DPP10: variants seen among roughly 807,000 people sequenced by gnomAD.
DPP10 encodes inactive dipeptidyl peptidase 10.
Under a neutral mutation model 120.9 loss-of-function variants are expected in DPP10, and 33 were observed. That is an observed-to-expected ratio of 0.27 (90% CI 0.21 to 0.37). The LOEUF (loss-of-function observed/expected upper bound fraction) is 0.37, where lower values mean the gene tolerates loss of function less well. DPP10 is among the 10% of genes least tolerant of loss of function. DPP10 has a pLI of 1.00. For missense variants in DPP10, 816 were observed against 942.8 expected, an observed-to-expected ratio of 0.87 and a Z score of 1.76; for synonymous variants, 337 against 326.1, an observed-to-expected ratio of 1.03 and a Z score of -0.36.
At chr2:115,712,415 T>C (rs2092348078) in intron 7 of DPP10, among the ~76,000 whole-genome samples, 2 of 150,702 alleles carry the variant, frequency 1.3e-5, no homozygotes, top group African/African-American at 2.4e-5. Flanking sequence ...GAAGCCCAGT[T>C]CTTAACAGGC....
chr2:114,874,530 G>T (rs1411011320), intron 1 of DPP10, among the ~76,000 whole-genome samples: 5 of 151,976 alleles, frequency 3.3e-5, no homozygotes, highest in Admixed American at 6.6e-5. Context: ...ATCACCCACA[G>T]ATGGGACCAT....
At chr2:114,954,139 G>C (rs1396072142) in intron 1 of DPP10, among the ~76,000 whole-genome samples, 1 of 144,470 alleles carries the variant, frequency 6.9e-6, no homozygotes, top group African/African-American at 2.6e-5. Context: ...GGAGGGCAGT[G>C]GTGCTATCTC....
At chr2:115,414,536 TAC>T (rs1467464857) in intron 3 of DPP10, among the ~76,000 whole-genome samples, 2 of 152,214 alleles carry the variant, frequency 1.3e-5, no homozygotes. Flanking sequence ...CTTTTATTTC[TAC>T]AGTGTATATT....
intron 5 of DPP10, among the ~76,000 whole-genome samples, chr2:115,601,659 A>G (rs2083327203): frequency 6.6e-6 from 1 of 152,106 alleles, no homozygotes; most frequent in African/African-American, 2.4e-5. Flanking sequence ...AACTAGTTGA[A>G]TAACAATAAT....
At chr2:115,518,489 G>A (rs1399935694) in intron 4 of DPP10, among the ~76,000 whole-genome samples, 2 of 151,892 alleles carry the variant, frequency 1.3e-5, no homozygotes, top group African/African-American at 4.8e-5. Flanking sequence ...AGAAAATTCA[G>A]CCATGGTAAA....
At chr2:115,377,454 C>G (rs1005107241) in intron 3 of DPP10, among the ~76,000 whole-genome samples, 6 of 151,920 alleles carry the variant, frequency 3.9e-5, no homozygotes, top group African/African-American at 1.5e-4. Flanking sequence ...GGATATTAAC[C>G]CTTTGTCAGA....
chr2:115,109,168 T>G (rs10201854), intron 1 of DPP10, among the ~76,000 whole-genome samples: 108,287 of 151,990 alleles, frequency 0.71, 38,998 homozygotes, highest in East Asian at 0.98. Context: ...CTTGTAGTAA[T>G]ACTTTTCTGG....
chr2:115,548,979 T>C (rs961795538), intron 5 of DPP10, among the ~76,000 whole-genome samples: 1 of 152,244 alleles, frequency 6.6e-6, no homozygotes, highest in Admixed American at 6.5e-5. Flanking sequence ...CGGTTATCTT[T>C]GTAGCACCAT....
chr2:115,562,864 C>G (rs929656460), intron 5 of DPP10, among the ~76,000 whole-genome samples: 3 of 152,162 alleles, frequency 2.0e-5, no homozygotes, highest in African/African-American at 7.2e-5. Context: ...AGTTCCATAG[C>G]TATTGATTTC....
chr2:115,784,759 C>T (rs1400172361), intron 17 of DPP10, among the ~76,000 whole-genome samples: 3 of 152,094 alleles, frequency 2.0e-5, no homozygotes, highest in African/African-American at 7.2e-5. Context: ...CTCGAACTCA[C>T]AACCTCAGGT....
At chr2:114,475,791 A>T (rs1680323961) in intron 1 of DPP10, among the ~76,000 whole-genome samples, 1 of 152,338 alleles carries the variant, frequency 6.6e-6, no homozygotes, top group East Asian at 1.9e-4. Context: ...TAAAATAACA[A>T]AGTAGACAAG....
intron 1 of DPP10, among the ~76,000 whole-genome samples, chr2:114,455,726 T>TTTA (rs756348171): frequency 0.06 from 3,525 of 59,050 alleles, 52 homozygotes; most frequent in Middle Eastern, 0.097. Flanking sequence ...CACAAATTCA[T>TTTA]TTGTTTTTTT....
chr2:114,455,203 T>G (rs1328542993), intron 1 of DPP10, among the ~76,000 whole-genome samples: 2 of 150,252 alleles, frequency 1.3e-5, no homozygotes, highest in African/African-American at 5.0e-5. Flanking sequence ...GGTGGTGGCA[T>G]ATGTATTTAA....
At chr2:115,266,645 G>T (rs1023547889) in intron 1 of DPP10, among the ~76,000 whole-genome samples, 5 of 152,092 alleles carry the variant, frequency 3.3e-5, no homozygotes, top group Non-Finnish European at 7.4e-5. Flanking sequence ...GTCCAGAATG[G>T]TTACTGTCCA....
chr2:114,956,417 C>T (rs988439401), intron 1 of DPP10, among the ~76,000 whole-genome samples: 1 of 150,206 alleles, frequency 6.7e-6, no homozygotes, highest in Non-Finnish European at 1.5e-5. Context: ...TGTATTGAAA[C>T]TTTTAAAACA....
rs576462170 is a variant in DPP10, at chr2:115,080,558, A to T, written c.61-228681A>T. The stretch of plus-strand genomic sequence containing the variant: ...CATTAAAACCAAAGCTTATTCTTCT[A>T]TGAATTGTCTGTGGCTGATTTTGTA... On this transcript the variant is annotated intron_variant, in intron 1 of 25. Transcript: ENST00000410059. Among the ~76,000 whole-genome samples, 4 of 152,294 alleles carry T rather than the reference A, an allele frequency of 2.6e-5. No homozygotes were observed. In the East Asian group the frequency reaches 7.7e-4, roughly 29 times the overall value.
chr2:114,670,829 A>G (rs1220658300), intron 1 of DPP10, among the ~76,000 whole-genome samples: 1 of 152,198 alleles, frequency 6.6e-6, no homozygotes, highest in African/African-American at 2.4e-5. Context: ...GTTGTAAGCC[A>G]TCCATCATCT....
At chr2:115,107,716 GATA>G (rs2049021110) in intron 1 of DPP10, among the ~76,000 whole-genome samples, 1 of 152,036 alleles carries the variant, frequency 6.6e-6, no homozygotes, top group Non-Finnish European at 1.5e-5. Context: ...TTTTGAGAAA[GATA>G]ATGACTAAGG....
Position 115,753,246 on chromosome 2 carries a change from G to C in DPP10, c.1023G>C (p.Gln341His). 1.2e-6 allele frequency: 2 copies of C among 1,612,084 alleles called. No individual in the cohort carries two copies. Among genetic ancestry groups the C allele is most frequent in the Non-Finnish European group, 1.7e-6 (2 of 1,178,680 alleles). ...TGGTAAGATGGTTAAACCGAGCTCA[G>C]AACATCTCCATCCTCACAGTCTGTG... is the stretch of plus-strand genomic sequence containing the variant. ...KTVVRWLNRA[Q>H]NISILTVCET... Residue 341 changes from glutamine (Q) to histidine (H), a missense_variant, in exon 11 of 26, where the codon CAG becomes CAC. Physicochemically the swap from Gln to His is conservative, Grantham distance 24. Around this residue, in one of 3 missense-constraint regions of DPP10, gnomAD observed 592 missense variants for 649.0 expected, o/e 0.91. Coordinates refer to ENST00000410059, the MANE Select transcript of DPP10 (RefSeq NM_020868.6).
Sources: gnomAD v4.1 joint callset for allele counts (sites outside exome capture counted in the v4.1 genomes callset) on GRCh38, gnomAD v4.1.1 for gene constraint, gnomAD v4.1.1 regional missense constraint, MANE v1.5 for transcripts, NCBI Gene and HGNC (gene_info 2026-07-23, HGNC 2026-07-21) for gene names.